Variants in ZMYM6 observed in about 807,000 individuals in gnomAD.
ZMYM6 encodes the protein zinc finger MYM-type protein 6.
A neutral mutation model predicts 134.0 loss-of-function variants in ZMYM6; 90 were observed. That is an observed-to-expected ratio of 0.67 (90% CI 0.57 to 0.80). The LOEUF (loss-of-function observed/expected upper bound fraction) is 0.80, where lower values mean the gene tolerates loss of function less well. Ranked by LOEUF, ZMYM6 falls within the 30% of genes least tolerant of loss-of-function variation. ZMYM6 has a pLI of 0.00. For synonymous variants in ZMYM6, 481 were observed against 524.1 expected (o/e 0.92, Z 1.12); for missense variants, 1,362 against 1,533.9 (o/e 0.89, Z 1.87).
intron 6 of ZMYM6, chr1:35,013,127 TA>T: frequency 1.2e-6 from 1 of 858,420 alleles, no homozygotes; most frequent in Non-Finnish European, 1.4e-6. Flanking sequence ...ACCATTTACA[TA>T]ACCAATATTA....
At chr1:35,013,487 G>T (rs944265124) in intron 6 of ZMYM6, 31 of 984,946 alleles carry the variant, frequency 3.1e-5, no homozygotes, top group African/African-American at 3.5e-5. Context: ...CTGATTTTGG[G>T]ATCATATATA....
In ZMYM6 at chr1:35,014,801, T is replaced by C; in HGVS notation, c.691A>G (p.Thr231Ala). 1 of 1,614,210 alleles carries C rather than the reference T, an allele frequency of 6.2e-7. No individual in the cohort carries two copies. The highest frequency in any genetic ancestry group is 8.5e-7 in the Non-Finnish European group (1 of 1,180,038). The change falls in exon 6 of 16, where the codon ACC becomes GCC. Residue 231 changes from threonine (T) to alanine (A), a missense_variant. Thr to Ala is a moderately conservative substitution (Grantham distance 58). Around this residue, in one of 3 missense-constraint regions of ZMYM6, gnomAD observed 503 missense variants for 520.8 expected, o/e 0.97. Coordinates refer to ENST00000357182, the MANE Select transcript of ZMYM6 (RefSeq NM_007167.4). ...CCACAGTTCTCACAACAGTTCATGG[T>C]GAGGTTGTTTGTAGAGTGAAATTTT... ...FSKFHSTNNL[T>A]MNCCENCGSY...
At chr1:35,021,070 T>C (rs1641300471) in intron 2 of ZMYM6, among the ~76,000 whole-genome samples, 1 of 151,804 alleles carries the variant, frequency 6.6e-6, no homozygotes, top group African/African-American at 2.4e-5. Flanking sequence ...GAGCACTACC[T>C]ATTTTTTAGG....
chr1:34,998,766 G>T (rs1203012355), intron 14 of ZMYM6, among the ~76,000 whole-genome samples: 1 of 152,074 alleles, frequency 6.6e-6, no homozygotes, highest in Non-Finnish European at 1.5e-5. Context: ...CAAAGGTCAG[G>T]GTAAGAGAAA....
intron 3 of ZMYM6, among the ~76,000 whole-genome samples, chr1:35,020,087 T>G (rs1415924852): frequency 1.3e-5 from 2 of 152,124 alleles, no homozygotes; most frequent in African/African-American, 4.8e-5. Context: ...AGAAATACAT[T>G]TAATATTATA....
chr1:35,020,516 T>C (rs372671720), intron 2 of ZMYM6, 49 bp from the exon 3 acceptor site: 3 of 1,381,818 alleles, frequency 2.2e-6, no homozygotes, highest in African/African-American at 1.5e-5. Context: ...ACAATGTATG[T>C]AAGTAAACTA....
chr1:35,004,052 G>T, intron 13 of ZMYM6, 47 bp from the exon 14 acceptor site: 1 of 1,502,098 alleles, frequency 6.7e-7, no homozygotes, highest in Non-Finnish European at 9.2e-7. Context: ...ATATACAGAA[G>T]TAAACACTGA....
intron 7 of ZMYM6, 139 bp downstream of exon 7, chr1:35,012,292 A>G (rs1641101573): frequency 1.3e-5 from 11 of 820,644 alleles, no homozygotes. Flanking sequence ...TTCACATAAA[A>G]GTCAGTTATT....
rs781348389 is a variant in ZMYM6 at position 35,015,053 on chromosome 1, G to C, written c.538C>G (p.Pro180Ala). 6.2e-7 allele frequency: 1 copy of C among 1,613,882 alleles called. No individual in the cohort carries two copies. Among genetic ancestry groups the C allele is most frequent in the South Asian group, 1.1e-5 (1 of 91,062 alleles). Residue 180 changes from proline to alanine, a missense_variant, in exon 5 of 16, where the codon CCT becomes GCT. Physicochemically the swap from Pro to Ala is conservative, Grantham distance 27. This residue lies in a region of ZMYM6 where 503 missense variants were observed against 520.8 expected (regional missense o/e 0.97). Coordinates refer to ENST00000357182, the MANE Select transcript of ZMYM6 (RefSeq NM_007167.4). ...CTTTTGGTATATATGGTAACAACAG[G>C]TTTTTTCTTTAGCTCATAAGATGAC... Reference protein sequence around the residue: ...CLSSYELKKKPVVTIYTKSIS... With the variant: ...CLSSYELKKKAVVTIYTKSIS...
intron 14 of ZMYM6, among the ~76,000 whole-genome samples, chr1:34,995,194 T>C (rs1255782543): frequency 2.0e-5 from 3 of 146,502 alleles, no homozygotes; most frequent in African/African-American, 7.5e-5. Flanking sequence ...TAATTCCAGG[T>C]AGTGGTAAGT....
intron 15 of ZMYM6, among the ~76,000 whole-genome samples, chr1:34,990,925 C>T (rs1180902413): frequency 6.6e-6 from 1 of 152,180 alleles, no homozygotes; most frequent in Non-Finnish European, 1.5e-5. Flanking sequence ...AGCACAATGG[C>T]GCGATCTCAG....
chr1:35,020,264 T>A (rs1419100747), intron 3 of ZMYM6, 119 bp downstream of exon 3: 1 of 865,718 alleles, frequency 1.2e-6, no homozygotes, highest in African/African-American at 1.7e-5. Flanking sequence ...TACTCACAGT[T>A]TGAAAAAACA....
At chr1:35,018,498 AT>A (rs1416611518) in intron 4 of ZMYM6, 2 of 151,574 alleles carry the variant, frequency 1.3e-5, no homozygotes, top group African/African-American at 4.8e-5. Flanking sequence ...TATTTATTAT[AT>A]TTATTTATGT....
chr1:35,028,883 ACTTT>A (rs1406127524), intron 2 of ZMYM6, among the ~76,000 whole-genome samples: 1 of 151,860 alleles, frequency 6.6e-6, no homozygotes, highest in East Asian at 1.9e-4. Flanking sequence ...GTTTCATCTT[ACTTT>A]CTCACTTAAA....
chr1:35,011,646 G>A (rs551936318), intron 8 of ZMYM6, among the ~76,000 whole-genome samples: 1 of 152,252 alleles, frequency 6.6e-6, no homozygotes, highest in South Asian at 2.1e-4. Flanking sequence ...GAGACCCAAG[G>A]GAGAAAGTGG....
rs878899794 is a variant in ZMYM6, at chr1:34,988,067, C to T, written c.3015G>A (p.Ala1005=). Residue 1005 remains alanine, a synonymous_variant, in exon 16 of 16, where the codon GCG becomes GCA. Transcript: ENST00000357182. The part of the protein sequence containing the change: ...AKIQEVAMNT[A]AFTHCFIHRE... ...GGTGAATAAAACAATGTGTAAATGC[C>T]GCTGTATTCATGGCAACTTCTTGAA... The T allele has an allele frequency of 1.5e-5, 24 of 1,551,342 alleles. No homozygotes were observed. Among genetic ancestry groups the T allele is most frequent in the East Asian group, 2.4e-5 (1 of 40,920 alleles).
rs1455490581 is a variant in ZMYM6, at chr1:34,988,656, A to G, written c.2426T>C (p.Leu809Ser). 6.5e-7 allele frequency: 1 copy of G among 1,547,330 alleles called. No homozygotes were observed. ...AGAACTATTTTGACATTCCATTTCTAAAGATTTTTGTTCAAAAAAATCTAC... is the reference window on the plus strand; with the variant it reads ...AGAACTATTTTGACATTCCATTTCTGAAGATTTTTGTTCAAAAAAATCTAC... ...KPVDFFEQKS[L>S]EMECQNSSLK... The change falls in exon 16 of 16, where the codon TTA becomes TCA. Residue 809 changes from leucine to serine, a missense_variant. Leu to Ser is a moderately radical substitution (Grantham distance 145). Around this residue, in one of 3 missense-constraint regions of ZMYM6, gnomAD observed 824 missense variants for 940.9 expected, o/e 0.88. Coordinates refer to ENST00000357182, the MANE Select transcript of ZMYM6 (RefSeq NM_007167.4).
chr1:35,000,078 G>A (rs544119094), intron 14 of ZMYM6, among the ~76,000 whole-genome samples: 2 of 151,148 alleles, frequency 1.3e-5, no homozygotes, highest in South Asian at 2.1e-4. Flanking sequence ...GACTATAGGC[G>A]TGCACCACCA....
chr1:34,991,335 TA>T (rs1640669334), intron 15 of ZMYM6, among the ~76,000 whole-genome samples: 1 of 152,160 alleles, frequency 6.6e-6, no homozygotes, highest in Non-Finnish European at 1.5e-5. Context: ...AATAGGAATA[TA>T]AAATAAATTT....
Sources: allele counts gnomAD v4.1 joint callset (sites outside exome capture counted in the v4.1 genomes callset), GRCh38; gene constraint gnomAD v4.1.1; regional missense constraint gnomAD v4.1.1; transcripts MANE v1.5; gene names NCBI Gene and HGNC (gene_info 2026-07-23, HGNC 2026-07-21).